VGLL1: variants seen among roughly 807,000 people sequenced by gnomAD.
The protein encoded by VGLL1 is vestigial like family member 1.
Under a neutral mutation model 12.0 loss-of-function variants are expected in VGLL1, and 4 were observed. The observed-to-expected ratio is 0.33, with a 90% confidence interval of 0.16 to 0.76. The LOEUF (loss-of-function observed/expected upper bound fraction) is 0.76. VGLL1 is among the 30% of genes least tolerant of loss of function. The probability of loss-of-function intolerance (pLI) is 0.60; values close to 1 mark genes in which losing one functional copy is unlikely to be tolerated. For missense variants in VGLL1, 204 were observed against 208.7 expected, an observed-to-expected ratio of 0.98 and a Z score of 0.14; for synonymous variants, 87 against 81.2, an observed-to-expected ratio of 1.07 and a Z score of -0.39.
At chrX:136,535,209 AAT>A (rs1467082926) in intron 1 of VGLL1, among the ~76,000 whole-genome samples, 23 of 112,022 alleles carry the variant, frequency 2.1e-4, no homozygotes, top group Non-Finnish European at 3.8e-4. Context: ...AGGGCAGTTC[AAT>A]ACACAGCTAT....
At position 136,556,760 on chromosome X, in the gene VGLL1, G is replaced by T; in HGVS notation, c.*221G>T. ...ACACCCTGCTTGCTCCTGTGTAACA[G>T]CTCAGATGATGAATAATAATAAAAC... On this transcript the variant is annotated 3_prime_UTR_variant, in exon 5 of 5. Coordinates refer to ENST00000370634, the MANE Select transcript of VGLL1 (RefSeq NM_016267.4). 1 of 358,005 alleles carries T rather than the reference G, an allele frequency of 2.8e-6. No individual in the cohort carries two copies. The highest frequency in any genetic ancestry group is 7.0e-5 in the South Asian group (1 of 14,236). 29.5% of individuals were successfully genotyped at this position (358,005 alleles called of 1,213,427 possible). A position where few individuals can be genotyped will look rare whatever the true frequency, so the allele number is the denominator to read the frequency against.
chrX:136,556,109 G>C (rs757609592), intron 4 of VGLL1, among the ~76,000 whole-genome samples: 1 of 111,604 alleles, frequency 9.0e-6, no homozygotes, highest in African/African-American at 3.3e-5. Context: ...TCTCAGTCTG[G>C]TCCTGATGAA....
intron 2 of VGLL1, among the ~76,000 whole-genome samples, chrX:136,541,736 G>T (rs1272432688): frequency 8.9e-6 from 1 of 111,977 alleles, no homozygotes; most frequent in Non-Finnish European, 1.9e-5. Flanking sequence ...ACATTCTAAG[G>T]GCTCTCTGTT....
intron 2 of VGLL1, among the ~76,000 whole-genome samples, chrX:136,538,607 C>A (rs754711571): frequency 8.9e-6 from 1 of 112,461 alleles, no homozygotes; most frequent in Non-Finnish European, 1.9e-5. Flanking sequence ...GGAAGACGTA[C>A]GTACCTCCAA....
chrX:136,556,446 T>A lies in VGLL1; in HGVS notation c.689-5T>A. The A allele has an allele frequency of 8.3e-7, 1 of 1,208,234 alleles. No homozygotes were observed. Among genetic ancestry groups the A allele is most frequent in the Non-Finnish European group, 1.1e-6 (1 of 892,791 alleles). On this transcript the variant is annotated splice_polypyrimidine_tract_variant and splice_region_variant and intron_variant, in intron 4 of 4. Transcript: ENST00000370634. Reference sequence around the variant, plus strand: ...CTTTCATTAACCATGTAACTTCTCCTTTAGCTCTTTCAGAGTTAGAGACAC... The same window carrying A: ...CTTTCATTAACCATGTAACTTCTCCATTAGCTCTTTCAGAGTTAGAGACAC...
At chrX:136,554,129 C>T (rs751406148) in intron 4 of VGLL1, among the ~76,000 whole-genome samples, 1 of 111,338 alleles carries the variant, frequency 9.0e-6, no homozygotes, top group African/African-American at 3.3e-5. Context: ...ATGCCCACCC[C>T]CAAAGGGAAA....
chrX:136,556,470 A>G lies in VGLL1; in HGVS notation c.708A>G (p.Thr236=), dbSNP rs1239248812. 2.5e-6 allele frequency: 3 copies of G among 1,208,874 alleles called. No individual in the cohort carries two copies. The Admixed American group carries it at 6.6e-5, about 26-fold the overall frequency. The change falls in exon 5 of 5, where the codon ACA becomes ACG. Residue 236 remains threonine (T), a synonymous_variant. Transcript: ENST00000370634. ...LPNETLSELE[T]PGKYSLTPPN... is the part of the protein sequence containing the mutation. ...CTTTAGCTCTTTCAGAGTTAGAGAC[A>G]CCTGGGAAATACTCACTTACACCAC...
At chrX:136,536,510 C>G (rs1365849808) in intron 2 of VGLL1, among the ~76,000 whole-genome samples, 2 of 111,414 alleles carry the variant, frequency 1.8e-5, no homozygotes, top group Admixed American at 1.9e-4. Context: ...TTTGCACAAA[C>G]TGTTCCTTGT....
At chrX:136,540,450 G>A (rs1381292861) in intron 2 of VGLL1, among the ~76,000 whole-genome samples, 2 of 111,263 alleles carry the variant, frequency 1.8e-5, no homozygotes, top group Admixed American at 9.6e-5. Context: ...CCTGCATGGC[G>A]TCACCTTTCT....
chrX:136,550,146 G>C (rs2075881668), intron 3 of VGLL1, among the ~76,000 whole-genome samples: 3 of 112,540 alleles, frequency 2.7e-5, no homozygotes, highest in Non-Finnish European at 1.9e-5. Context: ...GTAAATCATA[G>C]AAGTGTCATG....
chrX:136,534,948 A>G (rs1480731736), intron 1 of VGLL1, among the ~76,000 whole-genome samples: 2 of 112,189 alleles, frequency 1.8e-5, no homozygotes, highest in African/African-American at 6.5e-5. Flanking sequence ...ATTAAACTCT[A>G]GTCATTTTCA....
intron 2 of VGLL1, among the ~76,000 whole-genome samples, chrX:136,543,987 A>T (rs2075863267): frequency 8.9e-6 from 1 of 111,914 alleles, no homozygotes; most frequent in Non-Finnish European, 1.9e-5. Context: ...CCTTTTTGGA[A>T]ATTTAGAAAA....
chrX:136,533,377 A>G (rs1177938077), intron 1 of VGLL1, among the ~76,000 whole-genome samples: 1 of 111,334 alleles, frequency 9.0e-6, no homozygotes, highest in Non-Finnish European at 1.9e-5. Flanking sequence ...GACTTTCTCC[A>G]TCTCTAATAT....
chrX:136,553,805 C>T (rs899241190), intron 4 of VGLL1, among the ~76,000 whole-genome samples: 8 of 111,759 alleles, frequency 7.2e-5, no homozygotes, highest in African/African-American at 2.6e-4. Flanking sequence ...GGCTGTCATG[C>T]ATCTATGAAG....
In VGLL1 at chrX:136,536,149, A is replaced by G; in HGVS notation, c.129A>G (p.Glu43=). 5.8e-6 allele frequency: 7 copies of G among 1,211,371 alleles called. No individual in the cohort carries two copies. The highest frequency in any genetic ancestry group is 7.8e-6 in the Non-Finnish European group (7 of 895,407). Residue 43 remains glutamate, a synonymous_variant, in exon 2 of 5, where the codon GAA becomes GAG. Coordinates refer to ENST00000370634, the MANE Select transcript of VGLL1 (RefSeq NM_016267.4). ...GGGACATCAGCAGCGTAGTGGATGA[A>G]CACTTCTCCAGAGCTCTGAGCAATA... ...FQGDISSVVD[E]HFSRALSNIK... is the part of the protein sequence containing the mutation.
chrX:136,534,929 A>G (rs2075835308), intron 1 of VGLL1, among the ~76,000 whole-genome samples: 1 of 112,179 alleles, frequency 8.9e-6, no homozygotes, highest in Non-Finnish European at 1.9e-5. Flanking sequence ...CTAGAGAGAA[A>G]GATAGTCTAT....
In VGLL1 at chrX:136,550,820, A is replaced by G. The variant is rs767728090; in HGVS notation, c.687A>G (p.Glu229=). The G allele has an allele frequency of 1.7e-6, 2 of 1,206,530 alleles. No individual in the cohort carries two copies. The highest frequency in any genetic ancestry group is 4.4e-5 in the Admixed American group (2 of 45,874). ...RGSASTSLPN[E]TLSELETPGK... ...CTGCCAGTACCAGCCTTCCAAATGA[A>G]AGTAGGTATCTGGGCCAGCCTTTGA... Residue 229 remains glutamate, a splice_region_variant and synonymous_variant, in exon 4 of 5, where the codon GAA becomes GAG. Coordinates refer to ENST00000370634, the MANE Select transcript of VGLL1 (RefSeq NM_016267.4).
At chrX:136,540,632 C>T (rs2075853372) in intron 2 of VGLL1, among the ~76,000 whole-genome samples, 2 of 111,972 alleles carry the variant, frequency 1.8e-5, no homozygotes, top group Non-Finnish European at 3.8e-5. Context: ...TTTCTAGACT[C>T]CTCTCTCCCC....
At chrX:136,546,740 G>A (rs2075870618) in intron 2 of VGLL1, among the ~76,000 whole-genome samples, 1 of 112,445 alleles carries the variant, frequency 8.9e-6, no homozygotes, top group Non-Finnish European at 1.9e-5. Flanking sequence ...TTGTGCTTAG[G>A]ACATGCAGTA....
Sources: gnomAD v4.1 joint callset for allele counts (sites outside exome capture counted in the v4.1 genomes callset) on GRCh38, gnomAD v4.1.1 for gene constraint, MANE v1.5 for transcripts, NCBI Gene and HGNC (gene_info 2026-07-23, HGNC 2026-07-21) for gene names.